The following SLC30A8 variants were observed in gnomAD, a reference collection of about 807,000 sequenced individuals.
The protein encoded by SLC30A8 is solute carrier family 30 member 8, also known as proton-coupled zinc antiporter SLC30A8.
In SLC30A8, 27 loss-of-function variants were observed where a neutral mutation model predicts 36.9. The ratio of observed to expected loss-of-function variants is 0.73; its 90% CI spans 0.54 to 1.01. The LOEUF is 1.01. Among genes scored for constraint, SLC30A8 ranks in the 50% least tolerant of loss-of-function variants. The pLI, the probability that SLC30A8 is intolerant of heterozygous loss-of-function variation, is 0.00. For missense variants in SLC30A8, 439 were observed against 452.0 expected (o/e 0.97, Z 0.26); for synonymous variants, 164 against 172.4 (o/e 0.95, Z 0.38).
rs143889621 is a variant in SLC30A8 at position 117,010,244 on chromosome 8, C to T, written c.-265-28975C>T. 1.0e-3 allele frequency among the ~76,000 whole-genome samples: 152 copies of T among 152,274 alleles called. 1 individual carries two copies. The highest frequency in any genetic ancestry group is 3.6e-3 in the African/African-American group (149 of 41,560). ...GTTAGGCTCTGGAACCACTTCTTAT[C>T]AATGGGGCCTGACTTTGGGTGAGGG... On this transcript the variant is annotated intron_variant, in intron 1 of 10. Transcript: ENST00000427715.
chr8:117,031,555 G>A (rs556380981), intron 1 of SLC30A8, among the ~76,000 whole-genome samples: 1 of 151,780 alleles, frequency 6.6e-6, no homozygotes, highest in African/African-American at 2.4e-5. Flanking sequence ...CTGCCTCCTG[G>A]GTTCAAGCGA....
intron 2 of SLC30A8, among the ~76,000 whole-genome samples, chr8:117,091,082 T>C (rs78694237): frequency 6.6e-6 from 1 of 151,926 alleles, no homozygotes; most frequent in East Asian, 1.9e-4. Context: ...TTTTTTTTTT[T>C]GCACTTAGAT....
chr8:116,966,922 TG>T (rs1262030380), intron 1 of SLC30A8, among the ~76,000 whole-genome samples: 13 of 152,236 alleles, frequency 8.5e-5, no homozygotes, highest in African/African-American at 3.1e-4. Context: ...GCCAAGGATT[TG>T]AATAAAAATC....
chr8:117,100,848 C>A (rs1208016663), intron 2 of SLC30A8, among the ~76,000 whole-genome samples: 1 of 152,096 alleles, frequency 6.6e-6, no homozygotes, highest in Non-Finnish European at 1.5e-5. Flanking sequence ...AATTGTTACC[C>A]AGAGCTGCCA....
chr8:117,138,060 CAA>C (rs60065374), intron 1 of SLC30A8, among the ~76,000 whole-genome samples: 11 of 49,974 alleles, frequency 2.2e-4, no homozygotes, highest in Middle Eastern at 9.8e-3. Context: ...TTCATTGTAG[CAA>C]AAAAAAAAAA....
intron 1 of SLC30A8, among the ~76,000 whole-genome samples, chr8:117,017,097 G>T (rs538882080): frequency 2.6e-4 from 39 of 152,184 alleles, no homozygotes; most frequent in Middle Eastern, 3.4e-3. Context: ...TATTTAATTT[G>T]TAAAAGGGGG....
intron 2 of SLC30A8, among the ~76,000 whole-genome samples, chr8:117,114,957 T>C (rs1820382846): frequency 6.6e-6 from 1 of 151,998 alleles, no homozygotes; most frequent in African/African-American, 2.4e-5. Context: ...CAAGCTCTAG[T>C]GTGGTGGCTA....
intron 2 of SLC30A8, among the ~76,000 whole-genome samples, chr8:117,077,579 C>G (rs1225834579): frequency 6.6e-6 from 1 of 152,142 alleles, no homozygotes; most frequent in Non-Finnish European, 1.5e-5. Context: ...GTATATCTCT[C>G]CTATCTTAAA....
At chr8:117,165,524 A>C (rs1280703177) in intron 6 of SLC30A8, among the ~76,000 whole-genome samples, 1 of 152,188 alleles carries the variant, frequency 6.6e-6, no homozygotes, top group Non-Finnish European at 1.5e-5. Context: ...TACTAGAAGA[A>C]CCATTCAGTA....
chr8:117,159,099 A>G (rs538894889), intron 4 of SLC30A8, among the ~76,000 whole-genome samples: 1 of 152,222 alleles, frequency 6.6e-6, no homozygotes, highest in African/African-American at 2.4e-5. Flanking sequence ...TAGAAAAGAC[A>G]AGAACATGAA....
chr8:116,963,195 C>T (rs959465612), intron 1 of SLC30A8, among the ~76,000 whole-genome samples: 1 of 151,964 alleles, frequency 6.6e-6, no homozygotes, highest in African/African-American at 2.4e-5. Context: ...CCGTGAGAAC[C>T]CTGCAGCTGT....
At chr8:117,155,143 C>A (rs534766658) in intron 3 of SLC30A8, among the ~76,000 whole-genome samples, 1 of 152,132 alleles carries the variant, frequency 6.6e-6, no homozygotes, top group Non-Finnish European at 1.5e-5. Flanking sequence ...TTTAAGCAAT[C>A]ATTGTAACAT....
rs144623902 is a variant in SLC30A8, at chr8:117,061,267, C to T, written c.-226+22009C>T. ...CATCTACCTATCCATCACCCATTTGCATGCATTTGGTGTATTAGGATGCAC... is the reference window on the plus strand; with the variant it reads ...CATCTACCTATCCATCACCCATTTGTATGCATTTGGTGTATTAGGATGCAC... On this transcript the variant is annotated intron_variant, in intron 2 of 10. Coordinates refer to the SLC30A8 transcript ENST00000427715. Among the ~76,000 whole-genome samples, 18 of 152,312 alleles carry T rather than the reference C, an allele frequency of 1.2e-4. No homozygotes were observed. In the East Asian group the frequency reaches 3.5e-3, roughly 29 times the overall value.
At position 117,176,162 on chromosome 8, in the gene SLC30A8, T is replaced by C. The variant is rs1443821403; in HGVS notation, c.*3481T>C. 6.9e-6 allele frequency: 1 copy of C among 145,170 alleles called. No homozygotes were observed. Among genetic ancestry groups the C allele is most frequent in the Non-Finnish European group, 1.6e-5 (1 of 63,160 alleles). The allele number at this position is 145,170 out of a possible 1,614,324, so 9.0% of individuals were successfully genotyped here. ...ATTGCCAGTGGCAAATTTGGATCAC[T>C]TACTTAATATCTGTTAAATTTTGTG... On this transcript the variant is annotated 3_prime_UTR_variant, in exon 8 of 8. Transcript: ENST00000456015.
At chr8:117,148,903 A>C (rs1822028056) in intron 2 of SLC30A8, among the ~76,000 whole-genome samples, 2 of 152,166 alleles carry the variant, frequency 1.3e-5, no homozygotes, top group Non-Finnish European at 2.9e-5. Flanking sequence ...GTACTCAATT[A>C]TATATTTGAA....
intron 1 of SLC30A8, among the ~76,000 whole-genome samples, chr8:116,955,644 C>T (rs1364713799): frequency 3.3e-5 from 5 of 151,384 alleles, no homozygotes; most frequent in African/African-American, 4.9e-5. Context: ...GCACGAGAAT[C>T]GCTTGAACCT....
intron 2 of SLC30A8, among the ~76,000 whole-genome samples, chr8:117,042,991 C>A (rs999261409): frequency 1.3e-5 from 2 of 152,208 alleles, no homozygotes; most frequent in South Asian, 2.1e-4. Context: ...TAGTACTATT[C>A]ATCTGTCAAT....
chr8:117,094,259 C>T (rs1376246813), intron 2 of SLC30A8, among the ~76,000 whole-genome samples: 3 of 152,336 alleles, frequency 2.0e-5, no homozygotes, highest in African/African-American at 4.8e-5. Flanking sequence ...TGGCAGGTCC[C>T]GAGTTCTTGT....
Position 117,152,940 on chromosome 8 carries a change from C to T in SLC30A8, c.272-4C>T. The T allele has an allele frequency of 6.3e-7, 1 of 1,592,364 alleles. No homozygotes were observed. The highest frequency in any genetic ancestry group is 2.2e-5 in the East Asian group (1 of 44,552). On this transcript the variant is annotated splice_polypyrimidine_tract_variant and splice_region_variant and intron_variant, in intron 2 of 7. Transcript: ENST00000456015. ...AACACAGTGTACTATTTTGCATTCT[C>T]TAGGTGGGCACATTGCTGGGAGTCT...
Sources: allele counts gnomAD v4.1 joint callset (sites outside exome capture counted in the v4.1 genomes callset), GRCh38; gene constraint gnomAD v4.1.1; transcripts MANE v1.5; gene names NCBI Gene and HGNC (gene_info 2026-07-23, HGNC 2026-07-21).